CACNG2: variants seen among roughly 807,000 people sequenced by gnomAD.
CACNG2 encodes calcium voltage-gated channel auxiliary subunit gamma 2, also known as voltage-dependent calcium channel gamma-2 subunit.
CACNG2 carries 3 observed loss-of-function variants against 25.9 expected under a neutral mutation model. The ratio of observed to expected loss-of-function variants is 0.12; its 90% CI spans 0.05 to 0.30. The LOEUF is 0.30. Among genes scored for constraint, CACNG2 ranks in the 10% least tolerant of loss-of-function variants. The probability of loss-of-function intolerance (pLI) is 1.00; values close to 1 mark genes in which losing one functional copy is unlikely to be tolerated. For synonymous variants in CACNG2, 167 were observed against 173.3 expected (o/e 0.96, Z 0.29); for missense variants, 341 against 432.5 (o/e 0.79, Z 1.88).
chr22:36,633,291 T>A (rs563777866), intron 1 of CACNG2, among the ~76,000 whole-genome samples: 6 of 152,074 alleles, frequency 3.9e-5, no homozygotes, highest in Non-Finnish European at 8.8e-5. Context: ...ACTAAGGGGG[T>A]TCCCAATAAC....
intron 1 of CACNG2, among the ~76,000 whole-genome samples, chr22:36,605,808 G>A (rs982323226): frequency 3.3e-5 from 5 of 152,274 alleles, no homozygotes; most frequent in Non-Finnish European, 4.4e-5. Context: ...GGGAGAGACC[G>A]GTGATTACAC....
intron 1 of CACNG2, among the ~76,000 whole-genome samples, chr22:36,637,156 T>C (rs2145963215): frequency 6.6e-6 from 1 of 152,342 alleles, no homozygotes; most frequent in South Asian, 2.1e-4. Flanking sequence ...CTGGGTGGCC[T>C]TAAGACTGCA....
intron 2 of CACNG2, chr22:36,584,445 A>T (rs993320851): frequency 6.6e-6 from 1 of 152,332 alleles, no homozygotes; most frequent in Non-Finnish European, 1.5e-5. Context: ...AGCAACAACA[A>T]CAACAACAAA....
intron 1 of CACNG2, among the ~76,000 whole-genome samples, chr22:36,630,074 G>A (rs570179835): frequency 6.6e-6 from 1 of 152,280 alleles, no homozygotes; most frequent in South Asian, 2.1e-4. Flanking sequence ...TGGTGTCGAC[G>A]AGGACCAGAA....
At chr22:36,698,218 G>A (rs1338421802) in intron 1 of CACNG2, among the ~76,000 whole-genome samples, 1 of 151,430 alleles carries the variant, frequency 6.6e-6, no homozygotes, top group African/African-American at 2.4e-5. Context: ...CGATCACTTG[G>A]TTGTCACATA....
At chr22:36,581,565 C>T (rs1935419552) in intron 2 of CACNG2, among the ~76,000 whole-genome samples, 1 of 152,204 alleles carries the variant, frequency 6.6e-6, no homozygotes, top group African/African-American at 2.4e-5. Context: ...TGCTCTACAT[C>T]CCCAGTCCAG....
chr22:36,617,270 C>G (rs2145946170), intron 1 of CACNG2, among the ~76,000 whole-genome samples: 1 of 152,258 alleles, frequency 6.6e-6, no homozygotes, highest in South Asian at 2.1e-4. Flanking sequence ...GGATTAGGAG[C>G]AGAAACTATT....
At chr22:36,581,213 C>T (rs532455734) in intron 2 of CACNG2, among the ~76,000 whole-genome samples, 3 of 152,146 alleles carry the variant, frequency 2.0e-5, no homozygotes, top group Non-Finnish European at 4.4e-5. Flanking sequence ...ATAGGTGGGG[C>T]GAAATCCATA....
At chr22:36,613,537 C>T (rs983593502) in intron 1 of CACNG2, among the ~76,000 whole-genome samples, 1 of 152,140 alleles carries the variant, frequency 6.6e-6, no homozygotes, top group African/African-American at 2.4e-5. Context: ...CATTTTCAGA[C>T]TCCTTTGCAA....
At chr22:36,581,386 TATTA>T (rs767561767) in intron 2 of CACNG2, among the ~76,000 whole-genome samples, 3 of 152,150 alleles carry the variant, frequency 2.0e-5, no homozygotes, top group Non-Finnish European at 4.4e-5. Context: ...GTCCATCAGA[TATTA>T]ATTGAGTGCC....
intron 1 of CACNG2, among the ~76,000 whole-genome samples, chr22:36,647,760 A>G (rs1325173902): frequency 6.6e-6 from 1 of 152,054 alleles, no homozygotes; most frequent in Non-Finnish European, 1.5e-5. Context: ...CCTTTTACAT[A>G]GTTACCAGGT....
At chr22:36,694,131 C>G (rs888418705) in intron 1 of CACNG2, among the ~76,000 whole-genome samples, 2 of 152,210 alleles carry the variant, frequency 1.3e-5, no homozygotes, top group African/African-American at 4.8e-5. Context: ...ATCCTCTGGG[C>G]TTTCTTAGCA....
chr22:36,607,977 T>G (rs1935870163), intron 1 of CACNG2, among the ~76,000 whole-genome samples: 1 of 151,946 alleles, frequency 6.6e-6, no homozygotes. Flanking sequence ...ACATCTAGGG[T>G]GCAAAATTTA....
At chr22:36,673,411 G>T (rs1298914850) in intron 1 of CACNG2, among the ~76,000 whole-genome samples, 1 of 152,132 alleles carries the variant, frequency 6.6e-6, no homozygotes, top group African/African-American at 2.4e-5. Context: ...TAATAACATC[G>T]GAACTATCAG....
intron 1 of CACNG2, among the ~76,000 whole-genome samples, chr22:36,631,918 T>C (rs929915498): frequency 6.6e-6 from 1 of 152,062 alleles, no homozygotes; most frequent in South Asian, 2.1e-4. Context: ...AGGACTCCAA[T>C]GCTCATGCCC....
intron 1 of CACNG2, among the ~76,000 whole-genome samples, chr22:36,651,522 C>A (rs1372077480): frequency 1.3e-5 from 2 of 152,142 alleles, no homozygotes; most frequent in Non-Finnish European, 2.9e-5. Flanking sequence ...AGCCACTGAA[C>A]CTGGCCAATA....
chr22:36,574,626 T>C (rs1467960930), intron 2 of CACNG2, among the ~76,000 whole-genome samples: 3 of 151,822 alleles, frequency 2.0e-5, no homozygotes, highest in Non-Finnish European at 4.4e-5. Context: ...ACTAAAAAAA[T>C]ACAAAATTAG....
At chr22:36,689,451 G>A (rs896616007) in intron 1 of CACNG2, among the ~76,000 whole-genome samples, 1 of 152,078 alleles carries the variant, frequency 6.6e-6, no homozygotes, top group Non-Finnish European at 1.5e-5. Context: ...GACTCCCCTC[G>A]GCAGCTGATT....
chr22:36,664,893 T>C (rs1029032229), intron 1 of CACNG2, among the ~76,000 whole-genome samples: 2 of 151,928 alleles, frequency 1.3e-5, no homozygotes, highest in Admixed American at 6.6e-5. Flanking sequence ...CCAGAAAACA[T>C]TGATTTTTGA....
Sources: allele counts gnomAD v4.1 joint callset (sites outside exome capture counted in the v4.1 genomes callset), GRCh38; gene constraint gnomAD v4.1.1; transcripts MANE v1.5; gene names NCBI Gene and HGNC (gene_info 2026-07-23, HGNC 2026-07-21).